Variants in FBXO16 observed in about 807,000 individuals in gnomAD.
The protein encoded by FBXO16 is F-box protein 16.
Under a neutral mutation model 41.0 loss-of-function variants are expected in FBXO16, and 31 were observed. The observed-to-expected ratio is 0.76, with a 90% confidence interval of 0.57 to 1.02. The LOEUF is 1.02. Among genes scored for constraint, FBXO16 ranks in the 50% least tolerant of loss-of-function variants. FBXO16 has a pLI of 0.00. For missense variants in FBXO16, 361 were observed against 346.2 expected (o/e 1.04, Z -0.34); for synonymous variants, 133 against 117.8 (o/e 1.13, Z -0.84).
intron 7 of FBXO16, among the ~76,000 whole-genome samples, chr8:28,429,884 C>A (rs564591172): frequency 6.6e-6 from 1 of 152,178 alleles, no homozygotes; most frequent in Non-Finnish European, 1.5e-5. Flanking sequence ...TCCAGGCCTG[C>A]CTTCCTGCAA....
At chr8:28,481,051 T>G (rs1432064789) in intron 2 of FBXO16, among the ~76,000 whole-genome samples, 1 of 117,502 alleles carries the variant, frequency 8.5e-6, no homozygotes, top group African/African-American at 3.7e-5. Flanking sequence ...CAGGGTTCAC[T>G]CGGGGGCCCC....
chr8:28,429,060 T>G (rs1277867803), intron 8 of FBXO16, among the ~76,000 whole-genome samples: 1 of 152,230 alleles, frequency 6.6e-6, no homozygotes, highest in Non-Finnish European at 1.5e-5. Context: ...ACAGTCCAAG[T>G]TCACACCGCT....
intron 7 of FBXO16, among the ~76,000 whole-genome samples, chr8:28,435,272 G>A (rs1052793865): frequency 1.3e-5 from 2 of 151,546 alleles, no homozygotes; most frequent in African/African-American, 4.9e-5. Context: ...CCAAGTTCAA[G>A]TGATTCTCCT....
intron 6 of FBXO16, among the ~76,000 whole-genome samples, chr8:28,451,354 T>A (rs1336681097): frequency 2.0e-5 from 3 of 151,378 alleles, no homozygotes; most frequent in Admixed American, 1.3e-4. Flanking sequence ...TTTGTTTTCT[T>A]TCTCTCTTTC....
intron 7 of FBXO16, 195 bp downstream of exon 7, chr8:28,446,976 C>T (rs952681299): frequency 8.6e-6 from 4 of 464,330 alleles, no homozygotes; most frequent in African/African-American, 7.9e-5. Flanking sequence ...GATGAGAAAA[C>T]AGAGGCTCAG....
Position 28,480,230 on chromosome 8 carries a change from C to T in FBXO16, c.99+3118G>A, listed in dbSNP as rs867123908. On this transcript the variant is annotated intron_variant, in intron 2 of 8. Transcript: ENST00000380254. ...CTCTCCATTTTATTTCTCACTATTC[C>T]AATCTCTACCTTGGCCCTTCTGTTC... Among the ~76,000 whole-genome samples the T allele has an allele frequency of 5.3e-5, 8 of 152,050 alleles. No individual in the cohort carries two copies. The East Asian group carries it at 1.4e-3, about 26-fold the overall frequency.
At chr8:28,483,546 C>T (rs890664144) in intron 1 of FBXO16, 84 bp from the exon 2 acceptor site, 12 of 901,048 alleles carry the variant, frequency 1.3e-5, no homozygotes, top group East Asian at 2.5e-5. Context: ...CAGCCAGGCA[C>T]GATGGCTCAC....
intron 7 of FBXO16, among the ~76,000 whole-genome samples, chr8:28,431,306 TCTC>T (rs1233869004): frequency 6.6e-6 from 1 of 152,126 alleles, no homozygotes; most frequent in East Asian, 1.9e-4. Flanking sequence ...GGGAAGATGG[TCTC>T]CTTCGGCCAC....
intron 2 of FBXO16, among the ~76,000 whole-genome samples, chr8:28,480,412 T>C (rs1331419537): frequency 1.3e-5 from 2 of 152,108 alleles, no homozygotes; most frequent in African/African-American, 4.8e-5. Flanking sequence ...GACACAAAGA[T>C]GAAGAGGCAG....
intron 3 of FBXO16, among the ~76,000 whole-genome samples, chr8:28,468,462 T>C (rs1803280407): frequency 6.6e-6 from 1 of 152,192 alleles, no homozygotes; most frequent in Admixed American, 6.5e-5. Context: ...TTATACGATC[T>C]CTTCTGGTTG....
At chr8:28,488,293 C>CTTTTTT (rs10708340) in intron 1 of FBXO16, among the ~76,000 whole-genome samples, 23 of 96,222 alleles carry the variant, frequency 2.4e-4, no homozygotes, top group Admixed American at 5.3e-4. Context: ...TCTTCTAAGC[C>CTTTTTT]TTTTTTTTTT....
chr8:28,463,777 T>C lies in FBXO16; in HGVS notation c.177A>G (p.Thr59=), dbSNP rs1803186321. The C allele has an allele frequency of 6.2e-7, 1 of 1,614,084 alleles. No homozygotes were observed. The highest frequency in any genetic ancestry group is 1.1e-5 in the South Asian group (1 of 91,080). Reference sequence around the variant, plus strand: ...ACAGCGAGCAGCGCTCCAACAGGCCTGTGAGGATTCTTCTTCTTTGAGAGT... The same window carrying C: ...ACAGCGAGCAGCGCTCCAACAGGCCCGTGAGGATTCTTCTTCTTTGAGAGT... ...WTDSQRRRIL[T]GLLERCSLSQ... The change falls in exon 4 of 9, where the codon ACA becomes ACG. Residue 59 remains threonine (T), a synonymous_variant. Transcript: ENST00000380254.
At chr8:28,436,433 A>G (rs1171668912) in intron 7 of FBXO16, among the ~76,000 whole-genome samples, 4 of 152,198 alleles carry the variant, frequency 2.6e-5, no homozygotes, top group Non-Finnish European at 5.9e-5. Flanking sequence ...AGTTTTAAAG[A>G]ATCCACAGGC....
chr8:28,447,080 A>T, intron 7 of FBXO16, 91 bp downstream of exon 7: 1 of 1,204,092 alleles, frequency 8.3e-7, no homozygotes, highest in Non-Finnish European at 1.2e-6. Flanking sequence ...GATTCTGATT[A>T]AATAAATGAA....
chr8:28,460,068 G>A (rs1803102265), intron 4 of FBXO16, among the ~76,000 whole-genome samples: 1 of 151,378 alleles, frequency 6.6e-6, no homozygotes, highest in Non-Finnish European at 1.5e-5. Context: ...ATAGGTATGT[G>A]CATACTAATA....
intron 7 of FBXO16, among the ~76,000 whole-genome samples, chr8:28,443,580 G>A (rs911204579): frequency 6.6e-6 from 1 of 152,016 alleles, no homozygotes; most frequent in Non-Finnish European, 1.5e-5. Context: ...CAAATGATGG[G>A]GGAACTTTCT....
intron 2 of FBXO16, among the ~76,000 whole-genome samples, chr8:28,474,725 T>C (rs1267349115): frequency 6.6e-6 from 1 of 152,250 alleles, no homozygotes; most frequent in African/African-American, 2.4e-5. Context: ...TTTATTACAA[T>C]ATATTATTTA....
intron 7 of FBXO16, among the ~76,000 whole-genome samples, chr8:28,434,728 GC>G (rs1398153131): frequency 6.6e-6 from 1 of 152,246 alleles, no homozygotes; most frequent in Non-Finnish European, 1.5e-5. Flanking sequence ...CAGCAGGGGT[GC>G]CCTGTCTACT....
chr8:28,443,503 T>A (rs1802812224), intron 7 of FBXO16, among the ~76,000 whole-genome samples: 1 of 152,128 alleles, frequency 6.6e-6, no homozygotes, highest in Non-Finnish European at 1.5e-5. Flanking sequence ...TAGAAGGTGC[T>A]CCCCTAAGTT....
Sources: allele counts gnomAD v4.1 joint callset (sites outside exome capture counted in the v4.1 genomes callset), GRCh38; gene constraint gnomAD v4.1.1; transcripts MANE v1.5; gene names NCBI Gene and HGNC (gene_info 2026-07-23, HGNC 2026-07-21).